Variants in HECW2 observed in about 807,000 individuals in gnomAD.
The protein encoded by HECW2 is HECT, C2 and WW domain containing E3 ubiquitin protein ligase 2.
In HECW2, 61 loss-of-function variants were observed where a neutral mutation model predicts 175.2. The observed-to-expected ratio is 0.35, with a 90% CI of 0.28 to 0.43. The LOEUF is 0.43. Ranked by LOEUF, HECW2 falls within the 20% of genes least tolerant of loss-of-function variation. HECW2 has a pLI of 1.00. For synonymous variants in HECW2, 671 were observed against 731.0 expected, an observed-to-expected ratio of 0.92 and a Z score of 1.32; for missense variants, 1,524 against 2,000.5, an observed-to-expected ratio of 0.76 and a Z score of 4.54.
At chr2:196,529,372 G>T (rs961107299) in intron 1 of HECW2, among the ~76,000 whole-genome samples, 2 of 151,458 alleles carry the variant, frequency 1.3e-5, no homozygotes, top group African/African-American at 4.9e-5. Flanking sequence ...CATTTAAAAG[G>T]TATTTTATTA....
At chr2:196,316,468 G>A (rs1323400419) in intron 10 of HECW2, 2 of 152,160 alleles carry the variant, frequency 1.3e-5, no homozygotes, top group Admixed American at 6.5e-5. Context: ...AAGGGAAAGC[G>A]GTAAGGCAAA....
rs1248676697 is a variant in HECW2, at chr2:196,198,046, T to G, written c.*3231A>C. 3 of 152,212 alleles carry G rather than the reference T, an allele frequency of 2.0e-5. No individual in the cohort carries two copies. Among genetic ancestry groups the G allele is most frequent in the Non-Finnish European group, 4.4e-5 (3 of 68,034 alleles). The allele number at this position is 152,212 out of a possible 1,614,324, so 9.4% of individuals were successfully genotyped here. A position where few individuals can be genotyped will look rare whatever the true frequency, so the allele number is the denominator to read the frequency against. ...CTTTGACCAAGATCCATTCATTTTGTGCACAAGAAAAATGTTTTGACCCCA... is the reference window on the plus strand; with the variant it reads ...CTTTGACCAAGATCCATTCATTTTGGGCACAAGAAAAATGTTTTGACCCCA... On this transcript the variant is annotated 3_prime_UTR_variant, in exon 29 of 29. Coordinates refer to ENST00000644978, the MANE Select transcript of HECW2 (RefSeq NM_001348768.2).
intron 1 of HECW2, among the ~76,000 whole-genome samples, chr2:196,553,902 C>T (rs1689691817): frequency 6.6e-6 from 1 of 152,156 alleles, no homozygotes; most frequent in South Asian, 2.1e-4. Context: ...TTCCACCTAA[C>T]CAATAAAAAA....
At chr2:196,392,065 G>A (rs1359599984) in intron 2 of HECW2, among the ~76,000 whole-genome samples, 3 of 152,132 alleles carry the variant, frequency 2.0e-5, no homozygotes, top group Non-Finnish European at 2.9e-5. Context: ...GGTCATATTC[G>A]GAGATTCAGG....
At chr2:196,482,350 G>A (rs1022185958) in intron 1 of HECW2, among the ~76,000 whole-genome samples, 4 of 152,228 alleles carry the variant, frequency 2.6e-5, no homozygotes, top group African/African-American at 9.6e-5. Context: ...TTGCAAAGGA[G>A]CATGCTGCCC....
At chr2:196,273,541 T>C (rs1428758817) in intron 16 of HECW2, among the ~76,000 whole-genome samples, 1 of 152,194 alleles carries the variant, frequency 6.6e-6, no homozygotes, top group Non-Finnish European at 1.5e-5. Flanking sequence ...TTTATTTTTA[T>C]TTTACTATTT....
chr2:196,590,667 T>C (rs1336344749), intron 1 of HECW2, among the ~76,000 whole-genome samples: 4 of 152,220 alleles, frequency 2.6e-5, no homozygotes, highest in African/African-American at 2.4e-5. Flanking sequence ...CATTGATGTG[T>C]AGGCACATAT....
chr2:196,213,572 A>T (rs1687367151), intron 28 of HECW2, among the ~76,000 whole-genome samples: 1 of 152,200 alleles, frequency 6.6e-6, no homozygotes, highest in Admixed American at 6.5e-5. Context: ...GTATGAAAAG[A>T]GGCTGCTTGC....
At chr2:196,365,837 C>G (rs1005058689) in intron 2 of HECW2, among the ~76,000 whole-genome samples, 2 of 152,180 alleles carry the variant, frequency 1.3e-5, no homozygotes, top group Admixed American at 1.3e-4. Context: ...ATTTAATCCT[C>G]AGAGTCACCA....
chr2:196,549,947 A>G (rs77346503), intron 1 of HECW2, among the ~76,000 whole-genome samples: 1,912 of 152,330 alleles, frequency 0.013, 39 homozygotes, highest in African/African-American at 0.044. Flanking sequence ...GGCATGATTC[A>G]GTGGTTGAAG....
chr2:196,372,439 A>G (rs556144311), intron 2 of HECW2, among the ~76,000 whole-genome samples: 3 of 152,332 alleles, frequency 2.0e-5, no homozygotes, highest in East Asian at 3.8e-4. Context: ...GTGGTCCCCT[A>G]CAGTTTCTAC....
chr2:196,220,959 A>G lies in HECW2; in HGVS notation c.4147-18T>C. The G allele has an allele frequency of 6.2e-7, 1 of 1,613,082 alleles. No homozygotes were observed. Among genetic ancestry groups the G allele is most frequent in the Non-Finnish European group, 8.5e-7 (1 of 1,179,168 alleles). ...TCAGTTATCTGAGATTACAAAATAAAAAGAATGACTACAAAGCAATACTCT... is the reference window on the plus strand; with the variant it reads ...TCAGTTATCTGAGATTACAAAATAAGAAGAATGACTACAAAGCAATACTCT... On this transcript the variant is annotated intron_variant, in intron 24 of 28. Coordinates refer to ENST00000644978, the MANE Select transcript of HECW2 (RefSeq NM_001348768.2).
At position 196,230,445 on chromosome 2, in the gene HECW2, T is replaced by C. The variant is rs566186727; in HGVS notation, c.3765-2191A>G. Among the ~76,000 whole-genome samples the C allele has an allele frequency of 2.1e-3, 325 of 152,368 alleles. 2 individuals carry two copies. Among genetic ancestry groups the C allele is most frequent in the Non-Finnish European group, 3.8e-3 (261 of 68,020 alleles). ...AAAACGTTTTCAAAGTCATTTTCCA[T>C]TGGAACTTTAGGTTTAGCAGTTTCC... On this transcript the variant is annotated intron_variant, in intron 21 of 28. Transcript: ENST00000644978.
intron 1 of HECW2, among the ~76,000 whole-genome samples, chr2:196,586,228 T>TA (rs1490538575): frequency 6.6e-6 from 1 of 152,226 alleles, no homozygotes; most frequent in Non-Finnish European, 1.5e-5. Context: ...TTTCATAGTC[T>TA]AAGATTGTGG....
chr2:196,504,878 T>C (rs562768646), intron 1 of HECW2, among the ~76,000 whole-genome samples: 1 of 152,230 alleles, frequency 6.6e-6, no homozygotes, highest in African/African-American at 2.4e-5. Flanking sequence ...CTGTACACAT[T>C]TTCAGGCTGA....
At chr2:196,495,034 T>C (rs559975139) in intron 1 of HECW2, among the ~76,000 whole-genome samples, 39 of 152,270 alleles carry the variant, frequency 2.6e-4, no homozygotes, top group African/African-American at 8.9e-4. Context: ...ACCTTGTATG[T>C]GATCCATAAA....
At position 196,422,322 on chromosome 2, in the gene HECW2, C is replaced by A. The variant is rs1453169472; in HGVS notation, c.292+10810G>T. 2.6e-5 allele frequency among the ~76,000 whole-genome samples: 4 copies of A among 152,208 alleles called. No individual in the cohort carries two copies. In the South Asian group the frequency reaches 8.3e-4, roughly 32 times the overall value. On this transcript the variant is annotated intron_variant, in intron 2 of 28. Transcript: ENST00000644978. ...ATTTCCCAGTCCCCTTGCAGTTAGA[C>A]AAAATTTTGCTACCAATGCTGAACA...
chr2:196,574,650 T>A (rs1393993996), intron 1 of HECW2, among the ~76,000 whole-genome samples: 9 of 152,148 alleles, frequency 5.9e-5, no homozygotes, highest in African/African-American at 2.2e-4. Context: ...AAAATTCCAA[T>A]GGCATCCTTT....
At chr2:196,230,796 G>T (rs927605799) in intron 21 of HECW2, among the ~76,000 whole-genome samples, 1 of 152,168 alleles carries the variant, frequency 6.6e-6, no homozygotes, top group African/African-American at 2.4e-5. Context: ...TCTGCATGTA[G>T]CTGCATCTTT....
Sources: allele counts gnomAD v4.1 joint callset (sites outside exome capture counted in the v4.1 genomes callset), GRCh38; gene constraint gnomAD v4.1.1; transcripts MANE v1.5; gene names NCBI Gene and HGNC (gene_info 2026-07-23, HGNC 2026-07-21).